The following NEDD4 variants were observed in gnomAD, a reference collection of about 807,000 sequenced individuals.
NEDD4 encodes NEDD4 E3 ubiquitin protein ligase, also known as E3 ubiquitin-protein ligase NEDD4.
A neutral mutation model predicts 144.9 loss-of-function variants in NEDD4; 99 were observed. The observed-to-expected ratio is 0.68, with a 90% CI of 0.58 to 0.81. NEDD4 has a LOEUF of 0.81. Ranked by LOEUF, NEDD4 falls within the 30% of genes least tolerant of loss-of-function variation. The pLI, the probability that NEDD4 is intolerant of heterozygous loss-of-function variation, is 0.00. For missense variants in NEDD4, 985 were observed against 1,065.9 expected, an observed-to-expected ratio of 0.92 and a Z score of 1.06; for synonymous variants, 318 against 350.6, an observed-to-expected ratio of 0.91 and a Z score of 1.04.
At chr15:55,929,574 G>GAA (rs2036741253) in intron 4 of NEDD4, among the ~76,000 whole-genome samples, 1 of 152,112 alleles carries the variant, frequency 6.6e-6, no homozygotes, top group African/African-American at 2.4e-5. Context: ...TTATAAGTGA[G>GAA]AACATGTGGT....
At chr15:55,979,385 C>A in intron 1 of NEDD4, among the ~76,000 whole-genome samples, 1 of 121,536 alleles carries the variant, frequency 8.2e-6, no homozygotes, top group South Asian at 2.7e-4. Context: ...CTCGCTCTGT[C>A]GCCCAGGCCG....
chr15:55,886,687 G>A (rs1243141805), intron 5 of NEDD4, among the ~76,000 whole-genome samples: 1 of 150,102 alleles, frequency 6.7e-6, no homozygotes, highest in African/African-American at 2.5e-5. Flanking sequence ...GAACCCAGGA[G>A]ACAGAGGTTG....
chr15:55,981,830 C>G (rs1440476036), intron 1 of NEDD4, among the ~76,000 whole-genome samples: 1 of 152,310 alleles, frequency 6.6e-6, no homozygotes, highest in Admixed American at 6.5e-5. Context: ...CTAAAGTTGA[C>G]AACCACAGGT....
chr15:55,892,305 TAAATAAATAAATAAATAATA>T (rs1166681517), intron 5 of NEDD4, among the ~76,000 whole-genome samples: 1 of 89,654 alleles, frequency 1.1e-5, no homozygotes, highest in African/African-American at 4.3e-5. Context: ...AATAAATAAA[TAAATAAATAAATAAATAATA>T]AATATGAATT....
In NEDD4 at chr15:55,852,488, C is replaced by G; in HGVS notation, c.1082G>C (p.Arg361Thr). ...PPGWEEKQDE[R>T]GRSYYVDHNS... ...GTGATCTACATAATATGATCTTCCTCTTTCATCTTGTTTTTCTTCCCAACC... is the reference window on the plus strand; with the variant it reads ...GTGATCTACATAATATGATCTTCCTGTTTCATCTTGTTTTTCTTCCCAACC... Residue 361 changes from arginine to threonine, a missense_variant, in exon 13 of 29, where the codon AGA becomes ACA. Physicochemically the swap from Arg to Thr is moderately conservative, Grantham distance 71. Transcript: ENST00000435532. 3 of 1,613,226 alleles carry G rather than the reference C, an allele frequency of 1.9e-6. No individual in the cohort carries two copies. The highest frequency in any genetic ancestry group is 2.5e-6 in the Non-Finnish European group (3 of 1,179,566).
chr15:55,988,241 G>A lies in NEDD4; in HGVS notation c.45+5270C>T, dbSNP rs570252756. 3.5e-4 allele frequency among the ~76,000 whole-genome samples: 43 copies of A among 124,488 alleles called. No homozygotes were observed. In the South Asian group the frequency reaches 0.013, roughly 37 times the overall value. The allele number at this position is 124,488 out of a possible 152,430, so 81.7% of individuals were successfully genotyped here. On this transcript the variant is annotated intron_variant, in intron 1 of 28. Transcript: ENST00000435532. Reference sequence around the variant, plus strand: ...TCGCAAGAACAAAAAACCAAACACCGCATATTCTCACTCATAGGTGGGAAT... The same window carrying A: ...TCGCAAGAACAAAAAACCAAACACCACATATTCTCACTCATAGGTGGGAAT...
chr15:55,848,431 C>T lies in NEDD4; in HGVS notation c.1484-1G>A. On this transcript the variant is annotated splice_acceptor_variant, in intron 16 of 28. Transcript: ENST00000435532. LOFTEE classifies it high-confidence loss of function. ...TCTTCCCATTGTGTTCTTTTTATAT[C>T]TGAAGGGAAGAAAAAGAAAAAAGAT... The T allele has an allele frequency of 1.2e-6, 2 of 1,613,952 alleles. No homozygotes were observed. The highest frequency in any genetic ancestry group is 1.7e-6 in the Non-Finnish European group (2 of 1,179,936).
intron 7 of NEDD4, among the ~76,000 whole-genome samples, chr15:55,870,929 G>A (rs1404948605): frequency 6.6e-6 from 1 of 151,976 alleles, no homozygotes; most frequent in Admixed American, 6.6e-5. Flanking sequence ...ATTTTTTGGG[G>A]ATGATTTTTT....
chr15:55,932,043 T>A (rs1170774678), intron 4 of NEDD4, among the ~76,000 whole-genome samples: 1 of 152,208 alleles, frequency 6.6e-6, no homozygotes, highest in Non-Finnish European at 1.5e-5. Context: ...ATGGTTTGAC[T>A]GTGTCCCCAC....
chr15:55,972,792 C>T (rs1238770448), intron 1 of NEDD4, among the ~76,000 whole-genome samples: 3 of 151,886 alleles, frequency 2.0e-5, no homozygotes, highest in African/African-American at 7.3e-5. Flanking sequence ...TAAAGGCACA[C>T]AGAAAATATT....
intron 21 of NEDD4, among the ~76,000 whole-genome samples, chr15:55,839,888 T>C (rs545800748): frequency 1.9e-3 from 278 of 144,910 alleles, no homozygotes; most frequent in Non-Finnish European, 3.3e-3. Context: ...AGGCAGAGAA[T>C]TGCTTGAACT....
At chr15:55,863,468 A>T (rs1438663740) in intron 8 of NEDD4, among the ~76,000 whole-genome samples, 2 of 152,194 alleles carry the variant, frequency 1.3e-5, no homozygotes, top group African/African-American at 4.8e-5. Context: ...AAAGTATGTG[A>T]GGTGATTTAA....
intron 5 of NEDD4, among the ~76,000 whole-genome samples, chr15:55,906,935 A>C (rs2036120513): frequency 6.6e-6 from 1 of 151,840 alleles, no homozygotes; most frequent in Non-Finnish European, 1.5e-5. Context: ...ATCTCTACTA[A>C]AAATAAAAAA....
At chr15:55,916,429 C>G (rs765087838) in intron 5 of NEDD4, 3 of 1,613,936 alleles carry the variant, frequency 1.9e-6, no homozygotes, top group South Asian at 1.1e-5. Flanking sequence ...CCATCATTCA[C>G]AGCATTCAAT....
At chr15:55,953,940 T>C (rs894503828) in intron 2 of NEDD4, among the ~76,000 whole-genome samples, 2 of 152,234 alleles carry the variant, frequency 1.3e-5, no homozygotes, top group East Asian at 3.9e-4. Context: ...CAGGATGGTC[T>C]CAATCTCTTG....
Position 55,837,869 on chromosome 15 carries a change from C to A in NEDD4, c.2202-20G>T. ...ACAAGACTAAAAAGAAACAACATTTCATTTTCATGTGAACCAAGACAAAAT... is the reference window on the plus strand; with the variant it reads ...ACAAGACTAAAAAGAAACAACATTTAATTTTCATGTGAACCAAGACAAAAT... On this transcript the variant is annotated intron_variant, in intron 23 of 28. Transcript: ENST00000435532. The A allele has an allele frequency of 6.3e-7, 1 of 1,589,678 alleles. No individual in the cohort carries two copies. Among genetic ancestry groups the A allele is most frequent in the South Asian group, 1.1e-5 (1 of 89,266 alleles).
intron 18 of NEDD4, among the ~76,000 whole-genome samples, chr15:55,842,565 T>C (rs1184920942): frequency 6.6e-6 from 1 of 152,152 alleles, no homozygotes; most frequent in Admixed American, 6.5e-5. Context: ...TTTTAAGTTT[T>C]TGAGGTCTTG....
intron 4 of NEDD4, among the ~76,000 whole-genome samples, chr15:55,950,776 T>C (rs2142299757): frequency 6.6e-6 from 1 of 152,278 alleles, no homozygotes; most frequent in South Asian, 2.1e-4. Context: ...AAGAACATTT[T>C]AGGGATGATA....
At chr15:55,915,942 T>C in intron 5 of NEDD4, 1 of 1,613,908 alleles carries the variant, frequency 6.2e-7, no homozygotes, top group Non-Finnish European at 8.5e-7. Context: ...AATAAACTGG[T>C]GTGAAGTTTG....
Sources: allele counts gnomAD v4.1 joint callset (sites outside exome capture counted in the v4.1 genomes callset), GRCh38; gene constraint gnomAD v4.1.1; transcripts MANE v1.5; gene names NCBI Gene and HGNC (gene_info 2026-07-23, HGNC 2026-07-21).